Variants in CSF2RA observed in about 807,000 individuals in gnomAD.
The protein encoded by CSF2RA is colony stimulating factor 2 receptor subunit alpha, also known as granulocyte-macrophage colony-stimulating factor receptor subunit alpha.
In CSF2RA, 42 loss-of-function variants were observed where a neutral mutation model predicts 51.6. The ratio of observed to expected loss-of-function variants is 0.81; its 90% CI spans 0.64 to 1.05. The LOEUF (loss-of-function observed/expected upper bound fraction) is 1.05. Among genes scored for constraint, CSF2RA ranks in the 50% least tolerant of loss-of-function variants. CSF2RA has a pLI of 0.00. For missense variants in CSF2RA, 530 were observed against 501.1 expected, an observed-to-expected ratio of 1.06 and a Z score of -0.55; for synonymous variants, 222 against 193.0, an observed-to-expected ratio of 1.15 and a Z score of -1.24.
chrX:1,307,381 C>T (rs1261729565), intron 12 of CSF2RA, among the ~76,000 whole-genome samples: 2 of 140,944 alleles, frequency 1.4e-5, no homozygotes, highest in African/African-American at 5.6e-5. Context: ...TAGATGAGGC[C>T]CACCATTCCC....
At chrX:1,303,394 C>T (rs2083211365) in intron 10 of CSF2RA, 3 of 433,610 alleles carry the variant, frequency 6.9e-6, no homozygotes, top group Non-Finnish European at 8.1e-6. Context: ...CACCACCATG[C>T]CTGGCTAATT....
At chrX:1,273,298 AAT>A (rs1174139159) in intron 1 of CSF2RA, among the ~76,000 whole-genome samples, 9 of 151,768 alleles carry the variant, frequency 5.9e-5, no homozygotes, top group African/African-American at 1.5e-4. Flanking sequence ...GTTGCCCCAA[AAT>A]ATGTTTCTTA....
chrX:1,284,273 G>A (rs28615373), intron 3 of CSF2RA, among the ~76,000 whole-genome samples: 34,360 of 138,968 alleles, frequency 0.25, 2,395 homozygotes, highest in African/African-American at 0.32. Flanking sequence ...GCGTGATCTC[G>A]GCTCACTGCA....
the CSF2RA span, among the ~76,000 whole-genome samples, chrX:1,317,246 C>CTTTTTTTTTTTTTTTTTTTTTTT: frequency 3.5e-5 from 2 of 57,836 alleles, no homozygotes; most frequent in Admixed American, 3.1e-4. Context: ...CCACGCTCAG[C>CTTTTTTTTTTTTTTTTTTTTTTT]TTTTTTTTTT....
rs746533759 is a variant in CSF2RA at position 1,308,843 on chromosome X, G to C, written c.1126-559G>C. Among the ~76,000 whole-genome samples the C allele has an allele frequency of 2.6e-5, 4 of 152,234 alleles. No homozygotes were observed. The South Asian group carries it at 8.3e-4, about 32-fold the overall frequency. ...CTTAGCACCTGCTGTACCCTGCCCA[G>C]GTTTCATGCTCACAAGCTCTTCCAA... On this transcript the variant is annotated intron_variant, in intron 12 of 12. Transcript: ENST00000381529.
chrX:1,305,926 C>G (rs1569512112), intron 12 of CSF2RA: 2 of 787,058 alleles, frequency 2.5e-6, no homozygotes, highest in East Asian at 5.4e-5. Flanking sequence ...GCTAAAAATA[C>G]AAAAAATTAG....
At chrX:1,307,400 C>G (rs1321970630) in intron 12 of CSF2RA, among the ~76,000 whole-genome samples, 1 of 147,502 alleles carries the variant, frequency 6.8e-6, no homozygotes, top group African/African-American at 2.6e-5. Flanking sequence ...CCCTTTAGAC[C>G]TTCGACTGAT....
intron 10 of CSF2RA, among the ~76,000 whole-genome samples, chrX:1,302,019 C>T (rs1485719198): frequency 6.7e-6 from 1 of 150,086 alleles, no homozygotes; most frequent in African/African-American, 2.5e-5. Context: ...CAGGTTCAAG[C>T]AATTCTCCAG....
At chrX:1,275,090 A>C (rs1739875637) in intron 2 of CSF2RA, among the ~76,000 whole-genome samples, 1 of 91,288 alleles carries the variant, frequency 1.1e-5, no homozygotes, top group Non-Finnish European at 2.5e-5. Flanking sequence ...GAACCTGTCA[A>C]AAAAAAAAAA....
chrX:1,275,453 A>T (rs756624048), intron 2 of CSF2RA, among the ~76,000 whole-genome samples: 1 of 152,264 alleles, frequency 6.6e-6, no homozygotes, highest in Non-Finnish European at 1.5e-5. Context: ...AAGAAGGCCC[A>T]GGGAAAATAG....
At chrX:1,281,727 G>A (rs2090093413) in intron 2 of CSF2RA, 1 of 151,612 alleles carries the variant, frequency 6.6e-6, no homozygotes, top group African/African-American at 2.4e-5. Context: ...GTGTCCAAGT[G>A]TTAGAATGAC....
rs751326661 is a variant in CSF2RA at position 1,294,467 on chromosome X, T to G, written c.780+6T>G. The stretch of plus-strand genomic sequence containing the variant: ...AGCTGGACGTCCACAGAAAGGTCGG[T>G]GAGAGCTCCCCGGGGCTGGGCACCA... On this transcript the variant is annotated splice_donor_region_variant and intron_variant, in intron 8 of 12. Transcript: ENST00000381529. 1.9e-6 allele frequency: 3 copies of G among 1,613,580 alleles called. No individual in the cohort carries two copies.
rs2084038313 is a variant in CSF2RA at position 1,309,599 on chromosome X, A to T, written c.*120A>T. On this transcript the variant is annotated 3_prime_UTR_variant, in exon 13 of 13. Transcript: ENST00000381529. Reference sequence around the variant, plus strand: ...CTATGTTTTTATTTAAAAACATGACATTTGGGGCCAGGCGCGGTGGCTCAC... The same window carrying T: ...CTATGTTTTTATTTAAAAACATGACTTTTGGGGCCAGGCGCGGTGGCTCAC... 1 of 1,613,604 alleles carries T rather than the reference A, an allele frequency of 6.2e-7. No homozygotes were observed. Among genetic ancestry groups the T allele is most frequent in the African/African-American group, 1.3e-5 (1 of 74,912 alleles).
intron 2 of CSF2RA, among the ~76,000 whole-genome samples, chrX:1,281,000 C>A (rs1359569607): frequency 3.3e-5 from 4 of 122,340 alleles, no homozygotes; most frequent in Non-Finnish European, 3.6e-5. Flanking sequence ...TCCTTCTCCT[C>A]CTCCTCCTTC....
intron 7 of CSF2RA, among the ~76,000 whole-genome samples, chrX:1,292,938 C>T (rs2091540078): frequency 6.6e-6 from 1 of 152,118 alleles, no homozygotes; most frequent in African/African-American, 2.4e-5. Context: ...AGACAATACC[C>T]GGGCTCTCTC....
At chrX:1,292,378 TAGAG>T (rs1477088585) in intron 7 of CSF2RA, among the ~76,000 whole-genome samples, 5 of 152,026 alleles carry the variant, frequency 3.3e-5, no homozygotes, top group Non-Finnish European at 5.9e-5. Flanking sequence ...AGACAAAGTA[TAGAG>T]AAAGAACAGT....
chrX:1,324,223 G>T, the CSF2RA span, among the ~76,000 whole-genome samples: 2,162 of 150,724 alleles, frequency 0.014, 49 homozygotes, highest in African/African-American at 0.05. Context: ...GCCAGGAGGG[G>T]TGATTCACGC....
downstream of CSF2RA, among the ~76,000 whole-genome samples, chrX:1,314,509 G>GCACTGCACCTGCCCAACCC (rs2084400258): frequency 2.4e-5 from 2 of 82,966 alleles, no homozygotes; most frequent in African/African-American, 1.2e-4. Flanking sequence ...CTGCCCAACC[G>GCACTGCACCTGCCCAACCC]CACTGCACCT....
At chrX:1,321,177 G>A in the CSF2RA span, among the ~76,000 whole-genome samples, 1 of 151,944 alleles carries the variant, frequency 6.6e-6, no homozygotes. Flanking sequence ...CTTTTAAGAA[G>A]TGCAGACAGA....
Sources: gnomAD v4.1 joint callset for allele counts (sites outside exome capture counted in the v4.1 genomes callset) on GRCh38, gnomAD v4.1.1 for gene constraint, MANE v1.5 for transcripts, NCBI Gene and HGNC (gene_info 2026-07-23, HGNC 2026-07-21) for gene names.